Variants in MSRB3 observed in about 807,000 individuals in gnomAD.
MSRB3 encodes methionine sulfoxide reductase B3.
A neutral mutation model predicts 21.0 loss-of-function variants in MSRB3; 13 were observed. The observed-to-expected ratio is 0.62, with a 90% CI of 0.40 to 0.98. The LOEUF is 0.98. Among genes scored for constraint, MSRB3 ranks in the 50% least tolerant of loss-of-function variants. MSRB3 has a pLI of 0.00. For missense variants in MSRB3, 199 were observed against 230.3 expected (o/e 0.86, Z 0.88); for synonymous variants, 87 against 88.6 (o/e 0.98, Z 0.10).
At chr12:65,365,659 C>T (rs1877968448) in intron 4 of MSRB3, among the ~76,000 whole-genome samples, 2 of 152,044 alleles carry the variant, frequency 1.3e-5, no homozygotes, top group African/African-American at 4.8e-5. Context: ...GGCAAGAGGA[C>T]AAATGGTAGC....
intron 1 of MSRB3, chr12:65,281,930 G>C (rs1200164042): frequency 6.6e-6 from 1 of 152,230 alleles, no homozygotes; most frequent in Non-Finnish European, 1.5e-5. Context: ...TTTGCCAGTT[G>C]TTAGTTAGCA....
chr12:65,342,259 T>TG (rs1220259372), intron 4 of MSRB3, among the ~76,000 whole-genome samples: 7 of 149,006 alleles, frequency 4.7e-5, no homozygotes, highest in Non-Finnish European at 1.0e-4. Context: ...ATATATGCAA[T>TG]CCATTTGATG....
intron 5 of MSRB3, among the ~76,000 whole-genome samples, chr12:65,411,544 G>A (rs1035196551): frequency 1.6e-4 from 24 of 151,898 alleles, no homozygotes. Flanking sequence ...CTTTATGATC[G>A]TTAGATTAGC....
intron 4 of MSRB3, among the ~76,000 whole-genome samples, chr12:65,365,080 T>TC (rs1471530374): frequency 6.6e-6 from 1 of 151,978 alleles, no homozygotes; most frequent in Non-Finnish European, 1.5e-5. Context: ...ACATGATTTT[T>TC]TTTTTTGTAT....
rs57767667 is a variant in MSRB3 at position 65,310,717 on chromosome 12, A to G, written c.76+2062A>G. ...GAAATATAAATATCTTTAAATTTTG[A>G]TAAAATGATTCAAAGATAAATTCAG... On this transcript the variant is annotated intron_variant, in intron 2 of 6. Coordinates refer to ENST00000308259, the MANE Select transcript of MSRB3 (RefSeq NM_001031679.3). Among the ~76,000 whole-genome samples the G allele has an allele frequency of 4.0e-3, 603 of 152,378 alleles. 6 individuals carry two copies. The highest frequency in any genetic ancestry group is 0.014 in the African/African-American group (567 of 41,600).
intron 1 of MSRB3, among the ~76,000 whole-genome samples, chr12:65,293,602 C>T (rs941671631): frequency 2.6e-5 from 4 of 152,204 alleles, no homozygotes; most frequent in Non-Finnish European, 5.9e-5. Flanking sequence ...AATGTTACTT[C>T]CTCCAGGAAG....
At chr12:65,453,473 A>G (rs1882949626) in intron 5 of MSRB3, among the ~76,000 whole-genome samples, 1 of 152,194 alleles carries the variant, frequency 6.6e-6, no homozygotes, top group East Asian at 1.9e-4. Flanking sequence ...AAACTATTGG[A>G]TGGTCTAAGA....
chr12:65,386,270 T>C (rs544256553), intron 5 of MSRB3, among the ~76,000 whole-genome samples: 25 of 152,140 alleles, frequency 1.6e-4, no homozygotes, highest in Non-Finnish European at 3.2e-4. Flanking sequence ...TTATTTTATA[T>C]GCAGATTGTT....
intron 5 of MSRB3, among the ~76,000 whole-genome samples, chr12:65,422,777 G>A (rs1881388264): frequency 6.6e-6 from 1 of 151,562 alleles, no homozygotes; most frequent in South Asian, 2.1e-4. Context: ...CACCTCCATT[G>A]TTAAATTTAT....
intron 5 of MSRB3, among the ~76,000 whole-genome samples, chr12:65,378,915 T>C (rs1364036410): frequency 6.6e-6 from 1 of 152,200 alleles, no homozygotes; most frequent in African/African-American, 2.4e-5. Context: ...CTTGATCAGT[T>C]TACCAACATA....
chr12:65,456,292 G>C (rs1883089012), intron 6 of MSRB3, among the ~76,000 whole-genome samples: 1 of 152,058 alleles, frequency 6.6e-6, no homozygotes, highest in African/African-American at 2.4e-5. Context: ...AATTTAAAAG[G>C]CACAGAAAAA....
intron 5 of MSRB3, among the ~76,000 whole-genome samples, chr12:65,375,368 A>C (rs1363003330): frequency 6.6e-6 from 1 of 152,066 alleles, no homozygotes; most frequent in African/African-American, 2.4e-5. Flanking sequence ...TTTTCTTAGA[A>C]CTGGAGCATT....
At chr12:65,327,073 G>A in intron 3 of MSRB3, 139 bp downstream of exon 3, 1 of 695,740 alleles carries the variant, frequency 1.4e-6, no homozygotes. Context: ...CCTTGAAAAG[G>A]TTAAAATGGT....
At chr12:65,422,428 ATATT>A (rs1555212226) in intron 5 of MSRB3, among the ~76,000 whole-genome samples, 1,587 of 72,732 alleles carry the variant, frequency 0.022, 42 homozygotes, top group East Asian at 0.047. Context: ...ATATATATAT[ATATT>A]TATTTATTTA....
chr12:65,342,105 C>G (rs555944838), intron 4 of MSRB3, among the ~76,000 whole-genome samples: 1 of 151,384 alleles, frequency 6.6e-6, no homozygotes, highest in East Asian at 1.9e-4. Context: ...CCTTTCTAAA[C>G]AAGATTCCCA....
intron 5 of MSRB3, among the ~76,000 whole-genome samples, chr12:65,425,060 A>G (rs1225673145): frequency 3.3e-5 from 1 of 30,382 alleles, no homozygotes; most frequent in Non-Finnish European, 8.6e-5. Flanking sequence ...ATATATATTT[A>G]CAGTAGTTAT....
At chr12:65,353,337 C>T (rs550450947) in intron 4 of MSRB3, among the ~76,000 whole-genome samples, 2 of 151,890 alleles carry the variant, frequency 1.3e-5, no homozygotes, top group African/African-American at 4.8e-5. Context: ...TTAAAGTCTC[C>T]CATTATTATT....
intron 5 of MSRB3, among the ~76,000 whole-genome samples, chr12:65,436,996 C>T (rs1882148452): frequency 6.6e-6 from 1 of 151,904 alleles, no homozygotes; most frequent in Admixed American, 6.6e-5. Flanking sequence ...ATATATACGA[C>T]AATAAATGTA....
At chr12:65,342,990 A>G (rs1444300193) in intron 4 of MSRB3, among the ~76,000 whole-genome samples, 3 of 152,082 alleles carry the variant, frequency 2.0e-5, no homozygotes, top group Non-Finnish European at 4.4e-5. Context: ...CTGTACTTTT[A>G]AGTTTTTCTA....
Sources: gnomAD v4.1 joint callset for allele counts (sites outside exome capture counted in the v4.1 genomes callset) on GRCh38, gnomAD v4.1.1 for gene constraint, MANE v1.5 for transcripts, NCBI Gene and HGNC (gene_info 2026-07-23, HGNC 2026-07-21) for gene names.